Variants in SGSM3 observed in about 807,000 individuals in gnomAD.
The protein encoded by SGSM3 is small G protein signaling modulator 3.
A neutral mutation model predicts 100.5 loss-of-function variants in SGSM3; 96 were observed. That is an observed-to-expected ratio of 0.96 (90% CI 0.81 to 1.13). SGSM3 has a LOEUF of 1.13. SGSM3 is among the 50% of genes most tolerant of loss of function. The pLI is 0.00. For missense variants in SGSM3, 1,001 were observed against 1,015.8 expected (o/e 0.99, Z 0.20); for synonymous variants, 483 against 422.8 (o/e 1.14, Z -1.75).
chr22:40,409,996 G>T lies in SGSM3; in HGVS notation c.*237G>T, dbSNP rs1050821866. 3 of 1,336,302 alleles carry T rather than the reference G, an allele frequency of 2.2e-6. No homozygotes were observed. Among genetic ancestry groups the T allele is most frequent in the Non-Finnish European group, 2.9e-6 (3 of 1,049,828 alleles). The allele number at this position is 1,336,302 out of a possible 1,614,324, so 82.8% of individuals were successfully genotyped here. On this transcript the variant is annotated 3_prime_UTR_variant, in exon 22 of 22. Coordinates refer to ENST00000248929, the MANE Select transcript of SGSM3 (RefSeq NM_015705.6). ...AACCACAGTTTGTACCAAAAACCTT[G>T]TGAGGAGGTGGGGGAGCCATGTCTG...
At chr22:40,393,121 A>G (rs1242728926) in intron 1 of SGSM3, among the ~76,000 whole-genome samples, 1 of 152,054 alleles carries the variant, frequency 6.6e-6, no homozygotes, top group Non-Finnish European at 1.5e-5. Context: ...TGACTATTTT[A>G]CTTTTTTCTT....
chr22:40,405,037 C>T (rs2051272374), intron 6 of SGSM3, 104 bp from the exon 7 acceptor site: 4 of 1,406,378 alleles, frequency 2.8e-6, no homozygotes, highest in South Asian at 1.6e-5. Flanking sequence ...TGATCAGGAA[C>T]ACAAGGAATC....
intron 1 of SGSM3, among the ~76,000 whole-genome samples, chr22:40,398,194 C>T (rs1441661130): frequency 2.0e-5 from 3 of 151,776 alleles, no homozygotes; most frequent in South Asian, 2.1e-4. Flanking sequence ...CTCAATCTCC[C>T]GACCTCAGGT....
chr22:40,376,180 T>C (rs2146752714), intron 1 of SGSM3: 2 of 8,926 alleles, frequency 2.2e-4, no homozygotes, highest in African/African-American at 1.3e-3. Flanking sequence ...AATTACCACT[T>C]TTTTTTTTTT....
intron 16 of SGSM3, 22 bp from the exon 17 acceptor site, chr22:40,408,605 A>G (rs2052032392): frequency 1.9e-6 from 3 of 1,613,126 alleles, no homozygotes; most frequent in Non-Finnish European, 2.5e-6. Flanking sequence ...CCCTGCACTC[A>G]CACCGTGTGC....
chr22:40,396,454 G>A (rs182782539), intron 1 of SGSM3, among the ~76,000 whole-genome samples: 7 of 152,134 alleles, frequency 4.6e-5, no homozygotes, highest in East Asian at 1.9e-4. Context: ...TTAGCCAGGC[G>A]TGGTGGCACA....
chr22:40,378,476 C>T (rs1204980201), intron 1 of SGSM3, among the ~76,000 whole-genome samples: 1 of 151,336 alleles, frequency 6.6e-6, no homozygotes, highest in Non-Finnish European at 1.5e-5. Flanking sequence ...TGCCTGTCAT[C>T]CTAGCACTTT....
At chr22:40,392,651 A>T (rs913785703) in intron 1 of SGSM3, among the ~76,000 whole-genome samples, 1 of 152,208 alleles carries the variant, frequency 6.6e-6, no homozygotes, top group African/African-American at 2.4e-5. Flanking sequence ...ATGTTCTAAT[A>T]CTTAAACTGT....
intron 1 of SGSM3, chr22:40,379,235 A>G (rs1467912969): frequency 6.6e-6 from 1 of 152,260 alleles, no homozygotes; most frequent in Non-Finnish European, 1.5e-5. Flanking sequence ...TGCCTGGTAC[A>G]TAATAGGCAC....
chr22:40,407,071 G>C lies in SGSM3; in HGVS notation c.1240G>C (p.Gly414Arg), dbSNP rs916219457. The change falls in exon 11 of 22, where the codon GGG (glycine) becomes CGG (arginine). Residue 414 changes from glycine (G) to arginine (R), a missense_variant and splice_region_variant. Physicochemically the swap from Gly to Arg is moderately radical, Grantham distance 125. Transcript: ENST00000248929. This position sits in a 1 kb window ranked among gnomAD's most constrained non-coding sequence, Gnocchi z 4.7. ...GTCCACCATCACTGCTCTGCTCTTCGGTGAGAGCTCTGCGAGTGCCAGGCA... is the reference window on the plus strand; with the variant it reads ...GTCCACCATCACTGCTCTGCTCTTCCGTGAGAGCTCTGCGAGTGCCAGGCA... ...RKSTITALLFGEDDLEALKAK... is the reference protein window; with the variant it reads ...RKSTITALLFREDDLEALKAK... 1 of 1,595,722 alleles carries C rather than the reference G, an allele frequency of 6.3e-7. No homozygotes were observed. Among genetic ancestry groups the C allele is most frequent in the African/African-American group, 1.3e-5 (1 of 74,596 alleles).
chr22:40,410,189 A>G lies in SGSM3; in HGVS notation c.*430A>G. The stretch of plus-strand genomic sequence containing the variant: ...TTCTGCCCTTCCTTGAGTGGTCTAG[A>G]AGGCACTGCGTGGCCCCTCAGATGC... On this transcript the variant is annotated 3_prime_UTR_variant, in exon 22 of 22. Transcript: ENST00000248929. 1.9e-6 allele frequency: 2 copies of G among 1,070,808 alleles called. No homozygotes were observed. Among genetic ancestry groups the G allele is most frequent in the Non-Finnish European group, 2.3e-6 (2 of 884,636 alleles). The allele number at this position is 1,070,808 out of a possible 1,614,324, so 66.3% of individuals were successfully genotyped here. A position where few individuals can be genotyped will look rare whatever the true frequency, so the allele number is the denominator to read the frequency against.
Position 40,404,703 on chromosome 22 carries a change from G to A in SGSM3, c.474+39G>A, listed in dbSNP as rs2051212488. On this transcript the variant is annotated intron_variant, in intron 6 of 21. Transcript: ENST00000248929. ...CACTGTGCAGGAAGAGCTGGAGGCTGTGTGGGCTCGCAGGAGAGAGGGAGC... is the reference window on the plus strand; with the variant it reads ...CACTGTGCAGGAAGAGCTGGAGGCTATGTGGGCTCGCAGGAGAGAGGGAGC... 4 of 1,449,040 alleles carry A rather than the reference G, an allele frequency of 2.8e-6. No individual in the cohort carries two copies. In the East Asian group the frequency reaches 7.1e-5, roughly 26 times the overall value. The allele number at this position is 1,449,040 out of a possible 1,614,324, so 89.8% of individuals were successfully genotyped here.
chr22:40,407,976 A>G lies in SGSM3; in HGVS notation c.1580-95A>G, dbSNP rs2051867592. On this transcript the variant is annotated intron_variant, in intron 14 of 21. Coordinates refer to ENST00000248929, the MANE Select transcript of SGSM3 (RefSeq NM_015705.6). The surrounding 1 kb of genome is among the most constrained non-coding windows in gnomAD (Gnocchi z 4.7). ...TGGCTTGAGGTCCCTGAAGCAGCTG[A>G]GCCGGCTTCCCACTGCCTCAGCCTG... 1.4e-6 allele frequency: 2 copies of G among 1,478,318 alleles called. No individual in the cohort carries two copies. The highest frequency in any genetic ancestry group is 1.9e-6 in the Non-Finnish European group (2 of 1,076,322). 91.6% of individuals were successfully genotyped at this position (1,478,318 alleles called of 1,614,324 possible).
At chr22:40,386,562 C>CTTTTTTT (rs60319316) in intron 1 of SGSM3, among the ~76,000 whole-genome samples, 5 of 68,366 alleles carry the variant, frequency 7.3e-5, no homozygotes, top group Non-Finnish European at 1.4e-4. Flanking sequence ...AATTTTCTTA[C>CTTTTTTT]TTTTTTTTTT....
chr22:40,410,197 G>A lies in SGSM3; in HGVS notation c.*438G>A, dbSNP rs1602178479. The stretch of plus-strand genomic sequence containing the variant: ...TTCCTTGAGTGGTCTAGAAGGCACT[G>A]CGTGGCCCCTCAGATGCTGGGACAC... On this transcript the variant is annotated 3_prime_UTR_variant, in exon 22 of 22. Coordinates refer to ENST00000248929, the MANE Select transcript of SGSM3 (RefSeq NM_015705.6). The A allele has an allele frequency of 9.4e-7, 1 of 1,064,632 alleles. No homozygotes were observed. Among genetic ancestry groups the A allele is most frequent in the Non-Finnish European group, 1.1e-6 (1 of 880,222 alleles). 65.9% of individuals were successfully genotyped at this position (1,064,632 alleles called of 1,614,324 possible).
intron 1 of SGSM3, among the ~76,000 whole-genome samples, chr22:40,396,473 A>T (rs765524870): frequency 1.3e-5 from 2 of 151,798 alleles, no homozygotes; most frequent in Non-Finnish European, 2.9e-5. Context: ...CATGCCTGTG[A>T]TCCCAGCTAC....
intron 9 of SGSM3, 42 bp downstream of exon 9, chr22:40,406,265 A>C (rs774082100): frequency 1.1e-5 from 17 of 1,609,662 alleles, no homozygotes; most frequent in Non-Finnish European, 1.4e-5. Context: ...TAGGCACCCG[A>C]GATGGGGGGC....
At chr22:40,395,528 G>T (rs2049930490) in intron 1 of SGSM3, among the ~76,000 whole-genome samples, 1 of 152,038 alleles carries the variant, frequency 6.6e-6, no homozygotes, top group Non-Finnish European at 1.5e-5. Context: ...CACCATGTTG[G>T]CCAGGTTGGT....
chr22:40,394,385 C>T (rs1413811070), intron 1 of SGSM3, among the ~76,000 whole-genome samples: 2 of 152,186 alleles, frequency 1.3e-5, no homozygotes, highest in African/African-American at 2.4e-5. Flanking sequence ...TGATGGCTCA[C>T]GCCTATAATC....
Sources: allele counts gnomAD v4.1 joint callset (sites outside exome capture counted in the v4.1 genomes callset), GRCh38; gene constraint gnomAD v4.1.1; non-coding constraint Gnocchi (gnomAD v3.1); transcripts MANE v1.5; gene names NCBI Gene and HGNC (gene_info 2026-07-23, HGNC 2026-07-21).